Variants in ANK3 observed in about 807,000 individuals in gnomAD.
The protein encoded by ANK3 is ankyrin 3.
In ANK3, 57 loss-of-function variants were observed where a neutral mutation model predicts 370.9. The ratio of observed to expected loss-of-function variants is 0.15; its 90% CI spans 0.12 to 0.19. ANK3 has a LOEUF of 0.19. Ranked by LOEUF, ANK3 falls within the 10% of genes least tolerant of loss-of-function variation. The pLI, the probability that ANK3 is intolerant of heterozygous loss-of-function variation, is 1.00. For missense variants in ANK3, 4,439 were observed against 5,302.1 expected (o/e 0.84, Z 5.06); for synonymous variants, 1,929 against 1,946.3 (o/e 0.99, Z 0.23).
intron 8 of ANK3, among the ~76,000 whole-genome samples, chr10:60,231,841 C>T (rs2097251195): frequency 1.3e-5 from 2 of 152,184 alleles, no homozygotes; most frequent in South Asian, 4.1e-4. Context: ...TTTCTGTTCT[C>T]TGGTTCTCCA....
intron 7 of ANK3, among the ~76,000 whole-genome samples, chr10:60,253,855 G>T (rs1398501654): frequency 6.6e-6 from 1 of 152,142 alleles, no homozygotes; most frequent in East Asian, 1.9e-4. Flanking sequence ...CAATAAAAAA[G>T]AAATGTATGT....
rs374196154 is a variant in ANK3, at chr10:60,203,034, G to C, written c.1360C>G (p.His454Asp). The C allele has an allele frequency of 5.6e-6, 9 of 1,612,970 alleles. No homozygotes were observed. In the African/African-American group the frequency reaches 9.3e-5, roughly 17 times the overall value. Residue 454 changes from histidine to aspartate, a missense_variant, in exon 12 of 44, where the codon CAT becomes GAT. This residue lies in a region of ANK3 where 227 missense variants were observed against 377.6 expected (regional missense o/e 0.60). Transcript: ENST00000280772. ...GHVNIVSQLM[H>D]HGASPNTTNV... is the part of the protein sequence containing the mutation. ...GTGGTGTTTGGTGAGGCTCCATGAT[G>C]CATTAGTTGTGATACAATATTTACA...
chr10:60,226,931 T>C lies in ANK3; in HGVS notation c.897+7757A>G, dbSNP rs191617631. 5.3e-3 allele frequency among the ~76,000 whole-genome samples: 810 copies of C among 151,486 alleles called. 2 individuals carry two copies. Among genetic ancestry groups the C allele is most frequent in the Non-Finnish European group, 9.3e-3 (633 of 67,730 alleles). The stretch of plus-strand genomic sequence containing the variant: ...ATAGATTGATATTTTGCTTCAACAA[T>C]TGACTTTTAAAGAACTTAAGAAGAA... On this transcript the variant is annotated intron_variant, in intron 8 of 43. Coordinates refer to ENST00000280772, the MANE Select transcript of ANK3 (RefSeq NM_020987.5).
At chr10:60,670,767 C>T (rs769081618) in intron 1 of ANK3, among the ~76,000 whole-genome samples, 2 of 152,202 alleles carry the variant, frequency 1.3e-5, no homozygotes, top group African/African-American at 2.4e-5. Flanking sequence ...CACTCTCTCC[C>T]TTGAAATTGA....
chr10:60,596,833 C>A (rs981356414), intron 2 of ANK3, among the ~76,000 whole-genome samples: 2 of 151,960 alleles, frequency 1.3e-5, no homozygotes, highest in African/African-American at 4.8e-5. Context: ...AATGTGAGTG[C>A]CCCCAAATAA....
At chr10:60,153,384 G>A (rs984878529) in intron 23 of ANK3, among the ~76,000 whole-genome samples, 1 of 152,122 alleles carries the variant, frequency 6.6e-6, no homozygotes, top group Non-Finnish European at 1.5e-5. Context: ...TGAAAATGGA[G>A]ATGGAGAAGA....
At chr10:60,500,728 T>C (rs927592718) in intron 2 of ANK3, among the ~76,000 whole-genome samples, 3 of 152,170 alleles carry the variant, frequency 2.0e-5, no homozygotes, top group African/African-American at 7.2e-5. Context: ...ATCGGTGTGA[T>C]CTAAGAATCT....
At chr10:60,579,575 G>A (rs1567161433) in intron 2 of ANK3, among the ~76,000 whole-genome samples, 1 of 151,948 alleles carries the variant, frequency 6.6e-6, no homozygotes, top group East Asian at 1.9e-4. Context: ...CCAGGACCAG[G>A]TTCTAGCCAA....
chr10:60,282,944 G>T (rs919568219), intron 1 of ANK3, among the ~76,000 whole-genome samples: 12 of 152,012 alleles, frequency 7.9e-5, no homozygotes, highest in Admixed American at 2.6e-4. Flanking sequence ...GAACCAATAA[G>T]TTCCTCCTTT....
chr10:60,707,735 A>G (rs2079640492), intron 1 of ANK3, among the ~76,000 whole-genome samples: 1 of 152,110 alleles, frequency 6.6e-6, no homozygotes, highest in African/African-American at 2.4e-5. Context: ...GGCAATTTGT[A>G]TGTTTTGCTG....
At chr10:60,457,878 A>G (rs752143971) in intron 2 of ANK3, among the ~76,000 whole-genome samples, 124 of 152,178 alleles carry the variant, frequency 8.1e-4, no homozygotes, top group Admixed American at 3.0e-3. Context: ...AGTGGGCGGT[A>G]GTGTAGTAGA....
chr10:60,358,282 C>T (rs936085933), intron 1 of ANK3, among the ~76,000 whole-genome samples: 1 of 152,170 alleles, frequency 6.6e-6, no homozygotes, highest in African/African-American at 2.4e-5. Flanking sequence ...CTGCCAGTAA[C>T]CTACATCTTA....
intron 23 of ANK3, among the ~76,000 whole-genome samples, chr10:60,159,288 G>T (rs1281157667): frequency 2.0e-5 from 3 of 151,976 alleles, no homozygotes; most frequent in Admixed American, 2.0e-4. Flanking sequence ...ATACTTAGAT[G>T]AAATAGATTT....
intron 1 of ANK3, among the ~76,000 whole-genome samples, chr10:60,310,282 C>T (rs760254226): frequency 9.9e-5 from 15 of 152,028 alleles, no homozygotes; most frequent in Non-Finnish European, 1.5e-4. Context: ...CACACTCACC[C>T]GCAGGTTTCC....
chr10:60,181,189 T>C (rs2096172569), intron 18 of ANK3, 140 bp downstream of exon 18: 1 of 844,418 alleles, frequency 1.2e-6, no homozygotes, highest in African/African-American at 1.7e-5. Context: ...TAGTGTCCCT[T>C]GCATAAATAA....
intron 1 of ANK3, among the ~76,000 whole-genome samples, chr10:60,311,931 T>A (rs2046436444): frequency 6.6e-6 from 1 of 152,200 alleles, no homozygotes; most frequent in Non-Finnish European, 1.5e-5. Context: ...GGTTCATAGT[T>A]TGTTTCCTAC....
At chr10:60,645,655 G>T (rs959286736) in intron 1 of ANK3, among the ~76,000 whole-genome samples, 1 of 152,054 alleles carries the variant, frequency 6.6e-6, no homozygotes, top group Non-Finnish European at 1.5e-5. Flanking sequence ...AACCCAGGAG[G>T]TGGAGTTTGC....
chr10:60,079,023 C>T (rs368428353), intron 36 of ANK3, among the ~76,000 whole-genome samples: 5 of 152,248 alleles, frequency 3.3e-5, no homozygotes, highest in East Asian at 1.9e-4. Context: ...CGACCTAAAG[C>T]GGCTGGTCCA....
At chr10:60,206,339 G>C (rs1445961883) in intron 10 of ANK3, among the ~76,000 whole-genome samples, 1 of 152,142 alleles carries the variant, frequency 6.6e-6, no homozygotes, top group Non-Finnish European at 1.5e-5. Flanking sequence ...CAGGCATAGT[G>C]GCGTGCACCT....
Sources: allele counts gnomAD v4.1 joint callset (sites outside exome capture counted in the v4.1 genomes callset), GRCh38; gene constraint gnomAD v4.1.1; regional missense constraint gnomAD v4.1.1; transcripts MANE v1.5; gene names NCBI Gene and HGNC (gene_info 2026-07-23, HGNC 2026-07-21).